TRPS1: variants seen among roughly 807,000 people sequenced by gnomAD.
TRPS1 encodes the protein zinc finger transcription factor Trps1.
In TRPS1, 6 loss-of-function variants were observed where a neutral mutation model predicts 101.2. That is an observed-to-expected ratio of 0.06 (90% confidence interval 0.03 to 0.12). The LOEUF (loss-of-function observed/expected upper bound fraction) is 0.12. Ranked by LOEUF, TRPS1 falls within the 10% of genes least tolerant of loss-of-function variation. The pLI, the probability that TRPS1 is intolerant of heterozygous loss-of-function variation, is 1.00. For synonymous variants in TRPS1, 578 were observed against 589.8 expected (o/e 0.98, Z 0.29); for missense variants, 1,363 against 1,567.0 (o/e 0.87, Z 2.20).
At chr8:115,634,806 T>C (rs1322944960) in intron 1 of TRPS1, among the ~76,000 whole-genome samples, 1 of 151,862 alleles carries the variant, frequency 6.6e-6, no homozygotes, top group African/African-American at 2.4e-5. Context: ...TGTGAGACAT[T>C]ATGACAGTCA....
Position 115,604,683 on chromosome 8 carries a change from G to A in TRPS1, c.1286C>T (p.Pro429Leu), listed in dbSNP as rs1301216673. The A allele has an allele frequency of 1.2e-6, 2 of 1,613,878 alleles. No homozygotes were observed. The highest frequency in any genetic ancestry group is 1.7e-5 in the Admixed American group (1 of 59,934). The change falls in exon 4 of 7, where the codon CCC becomes CTC. Residue 429 changes from proline (P) to leucine (L), a missense_variant. Physicochemically the swap from Pro to Leu is moderately conservative, Grantham distance 98 (BLOSUM62 -3). This residue lies in a region of TRPS1 where 1,020 missense variants were observed against 1,073.0 expected (regional missense o/e 0.95). Coordinates refer to ENST00000395715, the MANE Select transcript of TRPS1 (RefSeq NM_014112.5). The surrounding 1 kb of genome is among the most constrained non-coding windows in gnomAD (Gnocchi z 4.1). ...TCTAGAGGAATCGAGGGGCTTTATG[G>A]GCACTGAGTACCCAACAGGAGTGTC... Reference protein sequence around the residue: ...GDDTPVGYSVPIKPLDSSRQN... With the variant: ...GDDTPVGYSVLIKPLDSSRQN...
chr8:115,628,122 T>C (rs2130554099), intron 1 of TRPS1, among the ~76,000 whole-genome samples: 1 of 151,932 alleles, frequency 6.6e-6, no homozygotes, highest in Non-Finnish European at 1.5e-5. Context: ...AGTAACTTTG[T>C]GCCTTCATAT....
intron 1 of TRPS1, among the ~76,000 whole-genome samples, chr8:115,658,490 T>A (rs1811725557): frequency 6.6e-6 from 1 of 151,946 alleles, no homozygotes; most frequent in Non-Finnish European, 1.5e-5. Flanking sequence ...TATATATACA[T>A]CTCTCTTTTA....
At chr8:115,599,915 C>T (rs551335592) in intron 4 of TRPS1, among the ~76,000 whole-genome samples, 1 of 152,314 alleles carries the variant, frequency 6.6e-6, no homozygotes, top group Non-Finnish European at 1.5e-5. Context: ...GGAATCATCA[C>T]ATAGTCTTCC....
chr8:115,535,081 T>C (rs1816250890), intron 5 of TRPS1, among the ~76,000 whole-genome samples: 1 of 148,158 alleles, frequency 6.7e-6, no homozygotes, highest in Non-Finnish European at 1.5e-5. Flanking sequence ...AGCATATATA[T>C]AGCATATATA....
intron 5 of TRPS1, among the ~76,000 whole-genome samples, chr8:115,457,980 C>G (rs926424400): frequency 1.3e-5 from 2 of 152,040 alleles, no homozygotes; most frequent in African/African-American, 4.8e-5. Context: ...AAATTGCAGT[C>G]CCTTTAAGAA....
At chr8:115,506,870 T>C (rs1430585802) in intron 5 of TRPS1, among the ~76,000 whole-genome samples, 3 of 152,106 alleles carry the variant, frequency 2.0e-5, no homozygotes, top group Admixed American at 2.0e-4. Context: ...GAAATGGTAT[T>C]TGGTCATTCT....
chr8:115,659,264 G>A (rs1236755341), intron 1 of TRPS1, among the ~76,000 whole-genome samples: 1 of 151,844 alleles, frequency 6.6e-6, no homozygotes, highest in African/African-American at 2.4e-5. Context: ...CTGACTACTT[G>A]TAAATTATTT....
chr8:115,450,730 A>T (rs1400497494), intron 5 of TRPS1, among the ~76,000 whole-genome samples: 1 of 152,214 alleles, frequency 6.6e-6, no homozygotes, highest in African/African-American at 2.4e-5. Context: ...CCCAGCAGTG[A>T]AAAGTGGTTC....
At chr8:115,617,267 T>C (rs1200859460) in intron 3 of TRPS1, among the ~76,000 whole-genome samples, 1 of 152,242 alleles carries the variant, frequency 6.6e-6, no homozygotes, top group Non-Finnish European at 1.5e-5. Flanking sequence ...CCTCGGTGTG[T>C]GCTGCAAGGA....
At chr8:115,482,719 G>C (rs1172545943) in intron 5 of TRPS1, among the ~76,000 whole-genome samples, 1 of 152,174 alleles carries the variant, frequency 6.6e-6, no homozygotes, top group African/African-American at 2.4e-5. Context: ...AATCTAGAGA[G>C]TGTATGAAAA....
intron 1 of TRPS1, among the ~76,000 whole-genome samples, chr8:115,664,440 A>G (rs1459076522): frequency 6.6e-6 from 1 of 152,136 alleles, no homozygotes; most frequent in Non-Finnish European, 1.5e-5. Flanking sequence ...ATGGTAACAA[A>G]GAATTTACTT....
chr8:115,560,581 A>G (rs2130366523), intron 5 of TRPS1, among the ~76,000 whole-genome samples: 1 of 152,238 alleles, frequency 6.6e-6, no homozygotes, highest in South Asian at 2.1e-4. Context: ...TTAACTTAAG[A>G]AATTGTGAGT....
chr8:115,512,333 A>G (rs753284830), intron 5 of TRPS1, among the ~76,000 whole-genome samples: 2 of 151,780 alleles, frequency 1.3e-5, no homozygotes, highest in Admixed American at 6.6e-5. Context: ...GTTTTTAAAA[A>G]AGAAAATTTG....
intron 5 of TRPS1, among the ~76,000 whole-genome samples, chr8:115,569,611 G>T (rs1016378639): frequency 2.0e-5 from 3 of 151,950 alleles, no homozygotes; most frequent in African/African-American, 7.2e-5. Flanking sequence ...TAATCTACTA[G>T]TATCTTTCTC....
intron 1 of TRPS1, among the ~76,000 whole-genome samples, chr8:115,660,468 C>T (rs931968581): frequency 2.0e-5 from 3 of 151,762 alleles, no homozygotes; most frequent in Admixed American, 6.6e-5. Context: ...AATATTAATG[C>T]TTTTTCCAAG....
intron 5 of TRPS1, among the ~76,000 whole-genome samples, chr8:115,544,941 A>C (rs1308988754): frequency 6.6e-6 from 1 of 152,210 alleles, no homozygotes; most frequent in African/African-American, 2.4e-5. Flanking sequence ...TTTTTCTAAA[A>C]TTCATACTAA....
At chr8:115,586,276 A>C (rs541754168) in intron 5 of TRPS1, among the ~76,000 whole-genome samples, 1 of 152,334 alleles carries the variant, frequency 6.6e-6, no homozygotes, top group Non-Finnish European at 1.5e-5. Flanking sequence ...AATACTTTTT[A>C]ACAATGCTGA....
chr8:115,660,329 C>T (rs1811763301), intron 1 of TRPS1, among the ~76,000 whole-genome samples: 1 of 151,864 alleles, frequency 6.6e-6, no homozygotes, highest in African/African-American at 2.4e-5. Flanking sequence ...GCTCTGAAAT[C>T]CTTTTGATCT....
Sources: allele counts gnomAD v4.1 joint callset (sites outside exome capture counted in the v4.1 genomes callset), GRCh38; gene constraint gnomAD v4.1.1; regional missense constraint gnomAD v4.1.1; non-coding constraint Gnocchi (gnomAD v3.1); transcripts MANE v1.5; gene names NCBI Gene and HGNC (gene_info 2026-07-23, HGNC 2026-07-21).